The following NSMCE2 variants were observed in gnomAD, a reference collection of about 807,000 sequenced individuals.
NSMCE2 encodes NSE2 SUMO ligase component of SMC5/6 complex.
In NSMCE2, 24 loss-of-function variants were observed where a neutral mutation model predicts 23.8. The ratio of observed to expected loss-of-function variants is 1.01; its 90% CI spans 0.73 to 1.42. The LOEUF (loss-of-function observed/expected upper bound fraction) is 1.42, where lower values mean the gene tolerates loss of function less well. Among genes scored for constraint, NSMCE2 ranks in the 40% most tolerant of loss-of-function variants. NSMCE2 has a pLI of 0.00. For missense variants in NSMCE2, 284 were observed against 296.5 expected (o/e 0.96, Z 0.31); for synonymous variants, 92 against 94.1 (o/e 0.98, Z 0.13).
chr8:125,139,053 A>C (rs1820218661), intron 3 of NSMCE2, among the ~76,000 whole-genome samples: 1 of 152,192 alleles, frequency 6.6e-6, no homozygotes, highest in African/African-American at 2.4e-5. Context: ...GCAGTGTTCT[A>C]GGGAGGCGCT....
At chr8:125,092,453 G>A (rs1243340880) in intron 1 of NSMCE2, among the ~76,000 whole-genome samples, 2 of 152,170 alleles carry the variant, frequency 1.3e-5, no homozygotes, top group Non-Finnish European at 2.9e-5. Context: ...AATATGTCAG[G>A]GTTCTAGTTT....
intron 5 of NSMCE2, among the ~76,000 whole-genome samples, chr8:125,195,366 G>A (rs184370913): frequency 2.0e-5 from 3 of 152,106 alleles, no homozygotes; most frequent in East Asian, 1.9e-4. Context: ...TTTACTAGGC[G>A]CTCTAAACGA....
chr8:125,202,734 G>T lies in NSMCE2; in HGVS notation c.418+20478G>T, dbSNP rs138108601. 2.0e-3 allele frequency among the ~76,000 whole-genome samples: 312 copies of T among 152,212 alleles called. 3 individuals are homozygous for T. The highest frequency in any genetic ancestry group is 7.1e-3 in the African/African-American group (296 of 41,524). On this transcript the variant is annotated intron_variant, in intron 5 of 7. Coordinates refer to ENST00000287437, the MANE Select transcript of NSMCE2 (RefSeq NM_173685.4). ...TTTCATTTATACATATACTTAAATT[G>T]TATAAGGATAAACATTTTAAAGTTA... is the stretch of plus-strand genomic sequence containing the variant.
chr8:125,168,287 C>T (rs1821999233), intron 4 of NSMCE2, among the ~76,000 whole-genome samples: 1 of 152,118 alleles, frequency 6.6e-6, no homozygotes, highest in African/African-American at 2.4e-5. Flanking sequence ...TTGGAAGTTT[C>T]TGTGTTATAA....
chr8:125,325,294 T>TTAAAATAAAA (rs111749670), intron 5 of NSMCE2, among the ~76,000 whole-genome samples: 71 of 127,188 alleles, frequency 5.6e-4, no homozygotes, highest in Middle Eastern at 4.1e-3. Flanking sequence ...CCCGTTTCTA[T>TTAAAATAAAA]TAAAATAAAA....
At chr8:125,145,468 G>C (rs974036769) in intron 3 of NSMCE2, among the ~76,000 whole-genome samples, 1 of 152,206 alleles carries the variant, frequency 6.6e-6, no homozygotes, top group Non-Finnish European at 1.5e-5. Context: ...AGGTCTCACA[G>C]AGTCACCAAG....
intron 5 of NSMCE2, among the ~76,000 whole-genome samples, chr8:125,316,772 T>C (rs568707272): frequency 2.9e-3 from 228 of 79,038 alleles, no homozygotes; most frequent in African/African-American, 0.013. Flanking sequence ...TCCTTCCTTC[T>C]CTCTCTCTCT....
intron 5 of NSMCE2, among the ~76,000 whole-genome samples, chr8:125,260,090 C>G (rs1826622183): frequency 1.3e-5 from 2 of 152,168 alleles, no homozygotes; most frequent in Admixed American, 1.3e-4. Flanking sequence ...GGTTCAGTAA[C>G]TTTCTAGTGG....
chr8:125,344,436 A>G (rs551529754), intron 5 of NSMCE2, among the ~76,000 whole-genome samples: 44 of 152,218 alleles, frequency 2.9e-4, no homozygotes, highest in Admixed American at 7.9e-4. Context: ...TCTTTTTTCT[A>G]TATACCATTG....
At chr8:125,284,812 T>A (rs1167589787) in intron 5 of NSMCE2, among the ~76,000 whole-genome samples, 1 of 152,206 alleles carries the variant, frequency 6.6e-6, no homozygotes, top group Non-Finnish European at 1.5e-5. Context: ...GAAAATAGAT[T>A]AATCAAAACA....
At chr8:125,344,971 C>G (rs1254932679) in intron 5 of NSMCE2, among the ~76,000 whole-genome samples, 1 of 150,958 alleles carries the variant, frequency 6.6e-6, no homozygotes, top group African/African-American at 2.4e-5. Context: ...CAATGTTTCT[C>G]TATTATAAAA....
intron 5 of NSMCE2, among the ~76,000 whole-genome samples, chr8:125,345,547 G>T (rs1830401739): frequency 6.6e-6 from 1 of 152,182 alleles, no homozygotes; most frequent in Admixed American, 6.5e-5. Flanking sequence ...TTCCCTTAAG[G>T]AATCCACATT....
At chr8:125,204,540 C>G (rs139335350) in intron 5 of NSMCE2, among the ~76,000 whole-genome samples, 1 of 152,186 alleles carries the variant, frequency 6.6e-6, no homozygotes, top group African/African-American at 2.4e-5. Context: ...TTTCCCCGTA[C>G]ACAAAGTATT....
intron 5 of NSMCE2, among the ~76,000 whole-genome samples, chr8:125,305,197 A>G (rs1828712394): frequency 6.6e-6 from 1 of 152,232 alleles, no homozygotes; most frequent in Non-Finnish European, 1.5e-5. Flanking sequence ...GACTGAAACT[A>G]TATACCTGGC....
In NSMCE2 at chr8:125,103,305, C is replaced by CA. The variant is rs1306185191; in HGVS notation, c.157+829dup. ...TGGACAACAGAGCAAGACTCTGTCT[C>CA]AAAAAAAAAAAGAAAAAAGATGTTA... On this transcript the variant is annotated intron_variant, in intron 3 of 7. Coordinates refer to ENST00000287437, the MANE Select transcript of NSMCE2 (RefSeq NM_173685.4). 4.3e-3 allele frequency among the ~76,000 whole-genome samples: 601 copies of CA among 138,926 alleles called. 5 individuals carry two copies. The highest frequency in any genetic ancestry group is 0.014 in the African/African-American group (541 of 37,846). 91.1% of individuals were successfully genotyped at this position (138,926 alleles called of 152,430 possible).
intron 5 of NSMCE2, among the ~76,000 whole-genome samples, chr8:125,202,099 G>GT (rs762469293): frequency 6.6e-6 from 1 of 152,252 alleles, no homozygotes; most frequent in South Asian, 2.1e-4. Context: ...AGAGTGTCCT[G>GT]TTTTTCCAGG....
intron 5 of NSMCE2, among the ~76,000 whole-genome samples, chr8:125,312,087 AAAAAAAG>A (rs1174448787): frequency 6.0e-5 from 9 of 150,160 alleles, no homozygotes; most frequent in Non-Finnish European, 1.0e-4. Flanking sequence ...AAAAAAAAAA[AAAAAAAG>A]AAAGAAAAGA....
At chr8:125,266,304 T>G (rs1187144168) in intron 5 of NSMCE2, among the ~76,000 whole-genome samples, 6 of 152,312 alleles carry the variant, frequency 3.9e-5, no homozygotes, top group Non-Finnish European at 8.8e-5. Context: ...TTGGTCAGGC[T>G]GAGGTCTATT....
In NSMCE2 at chr8:125,340,012, G is replaced by GTTTT. The variant is rs752038710; in HGVS notation, c.419-17190_419-17187dup. On this transcript the variant is annotated intron_variant, in intron 5 of 7. Transcript: ENST00000287437. ...GCCTCCGACGTTGTAGTTTTTTTTT[G>GTTTT]TTTTTTTTTTTTTTTTTTTTGAGAC... is the stretch of plus-strand genomic sequence containing the variant. Among the ~76,000 whole-genome samples the GTTTT allele has an allele frequency of 3.1e-3, 316 of 102,826 alleles. 6 individuals are homozygous for GTTTT. The highest frequency in any genetic ancestry group is 9.1e-3 in the East Asian group (30 of 3,284). 67.5% of individuals were successfully genotyped at this position (102,826 alleles called of 152,430 possible). A position where few individuals can be genotyped will look rare whatever the true frequency, so the allele number is the denominator to read the frequency against.
Sources: allele counts gnomAD v4.1 joint callset (sites outside exome capture counted in the v4.1 genomes callset), GRCh38; gene constraint gnomAD v4.1.1; transcripts MANE v1.5; gene names NCBI Gene and HGNC (gene_info 2026-07-23, HGNC 2026-07-21).